Variants in MAGI2 observed in about 807,000 individuals in gnomAD.
MAGI2 encodes membrane-associated guanylate kinase, WW and PDZ domain-containing protein 2.
MAGI2 carries 35 observed loss-of-function variants against 133.3 expected under a neutral mutation model. The observed-to-expected ratio is 0.26, with a 90% confidence interval of 0.20 to 0.35. The LOEUF (loss-of-function observed/expected upper bound fraction) is 0.35. Ranked by LOEUF, MAGI2 falls within the 10% of genes least tolerant of loss-of-function variation. MAGI2 has a pLI of 1.00. For synonymous variants in MAGI2, 729 were observed against 710.6 expected (o/e 1.03, Z -0.41); for missense variants, 1,636 against 1,863.4 (o/e 0.88, Z 2.25).
In MAGI2 at chr7:78,722,627, G is replaced by A. The variant is rs181152190; in HGVS notation, c.419-95388C>T. On this transcript the variant is annotated intron_variant, in intron 2 of 21. Coordinates refer to ENST00000354212, the MANE Select transcript of MAGI2 (RefSeq NM_012301.4). ...TCATTTTCAGGCACAATACCACAAT[G>A]GCAAAACATCAGTCTCAGTGTGATA... Among the ~76,000 whole-genome samples the A allele has an allele frequency of 1.1e-4, 16 of 152,046 alleles. No homozygotes were observed. In the East Asian group the frequency reaches 2.3e-3, roughly 22 times the overall value.
intron 10 of MAGI2, among the ~76,000 whole-genome samples, chr7:78,236,578 C>T (rs889280311): frequency 6.6e-6 from 1 of 152,108 alleles, no homozygotes; most frequent in African/African-American, 2.4e-5. Flanking sequence ...ATTGGCATTT[C>T]TGTATATATC....
intron 1 of MAGI2, among the ~76,000 whole-genome samples, chr7:79,300,867 T>G (rs530220830): frequency 6.6e-6 from 1 of 152,228 alleles, no homozygotes; most frequent in African/African-American, 2.4e-5. Flanking sequence ...CTGGAGATAC[T>G]GCTCTCACAT....
chr7:79,359,985 A>C (rs1157760442), intron 1 of MAGI2, among the ~76,000 whole-genome samples: 1 of 152,180 alleles, frequency 6.6e-6, no homozygotes, highest in Non-Finnish European at 1.5e-5. Context: ...CTGTTCTTGG[A>C]GTTATTTCCA....
chr7:78,444,100 A>G (rs7786447), intron 6 of MAGI2, among the ~76,000 whole-genome samples: 131,044 of 152,000 alleles, frequency 0.86, 56,717 homozygotes, highest in Middle Eastern at 0.94. Flanking sequence ...TGTATGTCAC[A>G]TTTCAACTCT....
chr7:79,236,331 G>A (rs1415737662), intron 1 of MAGI2, among the ~76,000 whole-genome samples: 1 of 152,196 alleles, frequency 6.6e-6, no homozygotes, highest in Admixed American at 6.5e-5. Flanking sequence ...AGGGAGTAAG[G>A]ACAGACCAGT....
intron 2 of MAGI2, among the ~76,000 whole-genome samples, chr7:78,630,625 C>T (rs1040490140): frequency 6.6e-6 from 1 of 151,844 alleles, no homozygotes; most frequent in African/African-American, 2.4e-5. Context: ...CTGTGTTGGC[C>T]AGGCTGGTCT....
chr7:78,930,668 A>T (rs1800044502), intron 2 of MAGI2, among the ~76,000 whole-genome samples: 5 of 152,108 alleles, frequency 3.3e-5, no homozygotes, highest in African/African-American at 1.2e-4. Context: ...CATTATTTAT[A>T]ATTTGGTATA....
chr7:78,264,060 C>T (rs1584619551), intron 9 of MAGI2, among the ~76,000 whole-genome samples: 1 of 152,134 alleles, frequency 6.6e-6, no homozygotes, highest in Non-Finnish European at 1.5e-5. Context: ...TTACTTCTTC[C>T]TGTGTGTTAC....
At chr7:79,239,186 G>A (rs1832181011) in intron 1 of MAGI2, among the ~76,000 whole-genome samples, 1 of 152,086 alleles carries the variant, frequency 6.6e-6, no homozygotes, top group Non-Finnish European at 1.5e-5. Flanking sequence ...TTAATTAATT[G>A]TATTAATGGG....
intron 2 of MAGI2, among the ~76,000 whole-genome samples, chr7:78,739,739 C>T (rs1563436120): frequency 6.6e-6 from 1 of 152,146 alleles, no homozygotes; most frequent in Non-Finnish European, 1.5e-5. Flanking sequence ...AGGCGCACAC[C>T]TCCTCGGCAA....
chr7:78,955,273 A>G, intron 2 of MAGI2, among the ~76,000 whole-genome samples: 1 of 152,226 alleles, frequency 6.6e-6, no homozygotes, highest in Non-Finnish European at 1.5e-5. Flanking sequence ...GCATTTATAC[A>G]TATATGATAG....
At chr7:78,866,983 CA>C (rs1452901911) in intron 2 of MAGI2, among the ~76,000 whole-genome samples, 1 of 151,792 alleles carries the variant, frequency 6.6e-6, no homozygotes, top group Non-Finnish European at 1.5e-5. Context: ...ATCAAAACCA[CA>C]ATGAGATATC....
intron 4 of MAGI2, among the ~76,000 whole-genome samples, chr7:78,509,637 T>C (rs142149278): frequency 1.7e-3 from 266 of 152,328 alleles, no homozygotes; most frequent in African/African-American, 6.2e-3. Context: ...TTCTTGTTTA[T>C]TGCCCTGCCA....
At chr7:78,198,837 AT>A (rs1182310963) in intron 11 of MAGI2, among the ~76,000 whole-genome samples, 1 of 152,190 alleles carries the variant, frequency 6.6e-6, no homozygotes, top group African/African-American at 2.4e-5. Flanking sequence ...AGATGATGGC[AT>A]TTATCTTGAT....
chr7:78,598,635 A>G (rs946721475), intron 3 of MAGI2, among the ~76,000 whole-genome samples: 2 of 152,164 alleles, frequency 1.3e-5, no homozygotes, highest in African/African-American at 4.8e-5. Flanking sequence ...TAGCATGGAG[A>G]ATGAATCAAG....
At chr7:78,108,925 A>C (rs1261856782) in intron 20 of MAGI2, among the ~76,000 whole-genome samples, 3 of 152,094 alleles carry the variant, frequency 2.0e-5, no homozygotes, top group Non-Finnish European at 4.4e-5. Flanking sequence ...GTGTCCTGGA[A>C]ACAGCAATGG....
intron 7 of MAGI2, chr7:78,358,697 G>T (rs1348194992): frequency 9.0e-6 from 2 of 221,058 alleles, no homozygotes; most frequent in Admixed American, 5.5e-5. Flanking sequence ...GGCTCACGAG[G>T]TTGGCTGGAA....
chr7:79,381,511 C>CA (rs1447632503), intron 1 of MAGI2, among the ~76,000 whole-genome samples: 1 of 151,704 alleles, frequency 6.6e-6, no homozygotes, highest in Non-Finnish European at 1.5e-5. Context: ...TACCTATCTT[C>CA]AAGAATATAT....
intron 1 of MAGI2, among the ~76,000 whole-genome samples, chr7:79,325,692 G>A (rs946668264): frequency 9.2e-5 from 14 of 152,242 alleles, no homozygotes; most frequent in African/African-American, 2.6e-4. Flanking sequence ...AATTCCACTC[G>A]GAGGGTGTAA....
Sources: gnomAD v4.1 joint callset for allele counts (sites outside exome capture counted in the v4.1 genomes callset) on GRCh38, gnomAD v4.1.1 for gene constraint, MANE v1.5 for transcripts, NCBI Gene and HGNC (gene_info 2026-07-23, HGNC 2026-07-21) for gene names.